Variants in SGMS1 observed in about 807,000 individuals in gnomAD.
SGMS1 encodes the protein phosphatidylcholine:ceramide cholinephosphotransferase 1.
SGMS1 carries 13 observed loss-of-function variants against 46.2 expected under a neutral mutation model. That is an observed-to-expected ratio of 0.28 (90% CI 0.18 to 0.45). The LOEUF is 0.45. Among genes scored for constraint, SGMS1 ranks in the 20% least tolerant of loss-of-function variants. SGMS1 has a pLI of 1.00. For missense variants in SGMS1, 324 were observed against 519.9 expected, an observed-to-expected ratio of 0.62 and a Z score of 3.66; for synonymous variants, 203 against 187.8, an observed-to-expected ratio of 1.08 and a Z score of -0.66.
intron 2 of SGMS1, among the ~76,000 whole-genome samples, chr10:50,541,890 AAAAC>A (rs1239430037): frequency 1.3e-5 from 2 of 152,214 alleles, no homozygotes; most frequent in African/African-American, 4.8e-5. Flanking sequence ...AGAAGGCACT[AAAAC>A]CTCTGCCAGT....
chr10:50,319,163 A>AAAAAG (rs1350573569), intron 8 of SGMS1, among the ~76,000 whole-genome samples: 2 of 133,956 alleles, frequency 1.5e-5, no homozygotes, highest in African/African-American at 6.0e-5. Flanking sequence ...TTTGCCACCA[A>AAAAAG]AAAAAAAAAA....
intron 2 of SGMS1, among the ~76,000 whole-genome samples, chr10:50,585,464 A>G (rs1838474905): frequency 6.6e-6 from 1 of 152,264 alleles, no homozygotes; most frequent in African/African-American, 2.4e-5. Context: ...TCAAGTTTAT[A>G]AAATTAATAA....
In SGMS1 at chr10:50,417,852, A is replaced by G. The variant is rs28475404; in HGVS notation, c.-232+15624T>C. On this transcript the variant is annotated intron_variant, in intron 6 of 10. Transcript: ENST00000361781. ...GAGCATTTGTTGACTGATCCTACCC[A>G]TATCCTGACCCACTGCTTCAGCAAC... Among the ~76,000 whole-genome samples the G allele has an allele frequency of 9.7e-3, 1,476 of 152,298 alleles. 16 individuals are homozygous for G. Among genetic ancestry groups the G allele is most frequent in the African/African-American group, 0.033 (1,372 of 41,552 alleles).
At chr10:50,408,764 CG>C (rs1056933414) in intron 6 of SGMS1, among the ~76,000 whole-genome samples, 2 of 151,744 alleles carry the variant, frequency 1.3e-5, no homozygotes, top group Admixed American at 6.6e-5. Flanking sequence ...GCTATTGGGT[CG>C]GGGGGGCAGT....
chr10:50,501,536 AC>A (rs763170181), intron 3 of SGMS1, among the ~76,000 whole-genome samples: 2 of 152,226 alleles, frequency 1.3e-5, no homozygotes, highest in Non-Finnish European at 2.9e-5. Flanking sequence ...TATATGATTC[AC>A]ACGCAGACCA....
intron 6 of SGMS1, among the ~76,000 whole-genome samples, chr10:50,366,291 T>C (rs1260917817): frequency 6.6e-6 from 1 of 152,120 alleles, no homozygotes; most frequent in African/African-American, 2.4e-5. Context: ...CATTAAAAAG[T>C]CAGAAAACAA....
intron 7 of SGMS1, among the ~76,000 whole-genome samples, chr10:50,339,911 A>G (rs1469185757): frequency 1.3e-5 from 2 of 152,190 alleles, no homozygotes; most frequent in South Asian, 4.1e-4. Context: ...AGGGCCCTTG[A>G]GCTTCAGGCT....
chr10:50,411,749 C>A (rs1428469332), intron 6 of SGMS1, among the ~76,000 whole-genome samples: 1 of 152,156 alleles, frequency 6.6e-6, no homozygotes, highest in African/African-American at 2.4e-5. Flanking sequence ...CTTCTGACCC[C>A]ATAGAACTAT....
intron 6 of SGMS1, among the ~76,000 whole-genome samples, chr10:50,405,812 G>A (rs931016129): frequency 6.6e-6 from 1 of 152,186 alleles, no homozygotes; most frequent in Admixed American, 6.5e-5. Context: ...TCATTTAGCT[G>A]AATGTCATTT....
At chr10:50,548,124 G>T (rs1838117223) in intron 2 of SGMS1, among the ~76,000 whole-genome samples, 1 of 152,082 alleles carries the variant, frequency 6.6e-6, no homozygotes, top group Non-Finnish European at 1.5e-5. Context: ...AATGGCACAA[G>T]ACAAGTGTAT....
chr10:50,458,366 T>G lies in SGMS1; in HGVS notation c.-313+2307A>C, dbSNP rs1588838135. ...TTTTTTTTTTTTTTTTTTTTTTTTT[T>G]TTTGTTTGAGGTGGAGTCTCGCTCC... On this transcript the variant is annotated intron_variant, in intron 5 of 10. Coordinates refer to ENST00000361781, the MANE Select transcript of SGMS1 (RefSeq NM_147156.4). 5.2e-5 allele frequency among the ~76,000 whole-genome samples: 6 copies of G among 114,308 alleles called. No homozygotes were observed. The South Asian group carries it at 1.2e-3, about 22-fold the overall frequency. 75.0% of individuals were successfully genotyped at this position (114,308 alleles called of 152,430 possible).
chr10:50,379,086 T>C (rs1351444609), intron 6 of SGMS1, among the ~76,000 whole-genome samples: 1 of 152,184 alleles, frequency 6.6e-6, no homozygotes, highest in African/African-American at 2.4e-5. Context: ...AAAAATTAGT[T>C]AAGACTGTCA....
intron 5 of SGMS1, among the ~76,000 whole-genome samples, chr10:50,447,437 T>A (rs11005730): frequency 2.6e-5 from 4 of 152,042 alleles, no homozygotes; most frequent in Non-Finnish European, 5.9e-5. Flanking sequence ...GTATCATTTC[T>A]TTCCTCTTTA....
chr10:50,578,676 A>G (rs550728103), intron 2 of SGMS1, among the ~76,000 whole-genome samples: 34 of 152,226 alleles, frequency 2.2e-4, no homozygotes, highest in Non-Finnish European at 4.3e-4. Context: ...ACAAATACCA[A>G]TGCTGCAAAT....
At chr10:50,408,243 C>G (rs577580255) in intron 6 of SGMS1, among the ~76,000 whole-genome samples, 2 of 151,986 alleles carry the variant, frequency 1.3e-5, no homozygotes, top group Non-Finnish European at 2.9e-5. Context: ...TGGCAGGGAA[C>G]AAGTAGGTAT....
chr10:50,625,069 G>A, upstream of SGMS1: 1 of 993,892 alleles, frequency 1.0e-6, no homozygotes, highest in Non-Finnish European at 1.2e-6. Flanking sequence ...GCCACCGCTC[G>A]GCACCTGCCT....
chr10:50,315,652 G>A (rs1181584745), intron 8 of SGMS1, among the ~76,000 whole-genome samples: 1 of 152,180 alleles, frequency 6.6e-6, no homozygotes, highest in Admixed American at 6.5e-5. Flanking sequence ...GATGGAGTGT[G>A]CTTACTCCAT....
At chr10:50,459,421 T>C (rs1837236580) in intron 5 of SGMS1, among the ~76,000 whole-genome samples, 2 of 152,182 alleles carry the variant, frequency 1.3e-5, no homozygotes, top group Non-Finnish European at 2.9e-5. Context: ...ATTTTTTTTT[T>C]AGACGGAGTT....
At chr10:50,504,337 C>T (rs1160387581) in intron 3 of SGMS1, among the ~76,000 whole-genome samples, 1 of 152,164 alleles carries the variant, frequency 6.6e-6, no homozygotes, top group Non-Finnish European at 1.5e-5. Context: ...GTTTGGGAAA[C>T]ACTGGATTGG....
Sources: allele counts gnomAD v4.1 joint callset (sites outside exome capture counted in the v4.1 genomes callset), GRCh38; gene constraint gnomAD v4.1.1; transcripts MANE v1.5; gene names NCBI Gene and HGNC (gene_info 2026-07-23, HGNC 2026-07-21).